CCSER1: variants seen among roughly 807,000 people sequenced by gnomAD.
The protein encoded by CCSER1 is serine-rich coiled-coil domain-containing protein 1.
Under a neutral mutation model 82.0 loss-of-function variants are expected in CCSER1, and 41 were observed. The observed-to-expected ratio is 0.50, with a 90% CI of 0.39 to 0.65. CCSER1 has a LOEUF of 0.65. CCSER1 is among the 30% of genes least tolerant of loss of function. The pLI is 0.00. For synonymous variants in CCSER1, 414 were observed against 383.9 expected, an observed-to-expected ratio of 1.08 and a Z score of -0.92; for missense variants, 1,119 against 1,064.2, an observed-to-expected ratio of 1.05 and a Z score of -0.72.
intron 7 of CCSER1, 83 bp downstream of exon 7, chr4:90,724,074 T>G: frequency 1.3e-6 from 1 of 781,712 alleles, no homozygotes; most frequent in Non-Finnish European, 2.1e-6. Flanking sequence ...GTGTAGATGG[T>G]GAAGTGAACT....
chr4:90,406,049 A>G (rs1383075861), intron 4 of CCSER1, among the ~76,000 whole-genome samples: 1 of 152,178 alleles, frequency 6.6e-6, no homozygotes, highest in Non-Finnish European at 1.5e-5. Flanking sequence ...TAAATGCTCC[A>G]CTGAAAAGAG....
chr4:91,154,447 A>G (rs976022583), intron 10 of CCSER1, among the ~76,000 whole-genome samples: 1 of 151,960 alleles, frequency 6.6e-6, no homozygotes, highest in Non-Finnish European at 1.5e-5. Flanking sequence ...TTCCCTGACC[A>G]CTTGCGCTTC....
chr4:91,027,702 G>A (rs1194106985), intron 9 of CCSER1, among the ~76,000 whole-genome samples: 1 of 152,030 alleles, frequency 6.6e-6, no homozygotes, highest in East Asian at 1.9e-4. Context: ...ACAGCTGGTG[G>A]ATCAGGGTTT....
At chr4:90,757,060 T>G in intron 7 of CCSER1, among the ~76,000 whole-genome samples, 1 of 152,226 alleles carries the variant, frequency 6.6e-6, no homozygotes, top group Admixed American at 6.5e-5. Context: ...TATTTTCCTT[T>G]ATATAAGAAC....
rs575632423 is a variant in CCSER1, at chr4:90,312,902, T to G, written c.1364T>G (p.Phe455Cys). 9.5e-6 allele frequency: 15 copies of G among 1,581,214 alleles called. No homozygotes were observed. In the South Asian group the frequency reaches 1.6e-4, roughly 17 times the overall value. Residue 455 changes from phenylalanine (F) to cysteine (C), a missense_variant, in exon 3 of 11, where the codon TTT becomes TGT. Phe to Cys is a radical substitution (Grantham distance 205). Coordinates refer to ENST00000509176, the MANE Select transcript of CCSER1 (RefSeq NM_001145065.2). ...CTCAGTCCATTTCGTGAAGGAAGAT[T>G]TATAGAGAGGAGACTGCGATCCTCG... is the stretch of plus-strand genomic sequence containing the variant. ...SSLSPFREGR[F>C]IERRLRSSSE...
intron 5 of CCSER1, among the ~76,000 whole-genome samples, chr4:90,529,953 T>TATA (rs1362762409): frequency 3.3e-4 from 30 of 89,932 alleles, no homozygotes; most frequent in African/African-American, 1.3e-3. Flanking sequence ...ATATATATAT[T>TATA]TTTTTTTTCT....
intron 1 of CCSER1, among the ~76,000 whole-genome samples, chr4:90,274,115 A>C (rs753450452): frequency 5.3e-5 from 8 of 152,162 alleles, no homozygotes; most frequent in Non-Finnish European, 1.5e-5. Flanking sequence ...AGTGATTCCA[A>C]GTCTTCAACA....
intron 10 of CCSER1, among the ~76,000 whole-genome samples, chr4:91,167,368 T>C (rs1031063372): frequency 6.6e-6 from 1 of 151,914 alleles, no homozygotes; most frequent in African/African-American, 2.4e-5. Flanking sequence ...GTATTTTCAG[T>C]AGAGACAGGG....
intron 4 of CCSER1, among the ~76,000 whole-genome samples, chr4:90,454,130 G>T (rs1437864632): frequency 6.6e-6 from 1 of 152,064 alleles, no homozygotes; most frequent in Non-Finnish European, 1.5e-5. Context: ...GCCTTGGCTT[G>T]CCACATTTGT....
intron 8 of CCSER1, among the ~76,000 whole-genome samples, chr4:90,889,327 A>G (rs1357303603): frequency 2.6e-5 from 4 of 152,146 alleles, no homozygotes; most frequent in African/African-American, 9.6e-5. Flanking sequence ...TGGTAACAAC[A>G]CATAATGATG....
intron 9 of CCSER1, among the ~76,000 whole-genome samples, chr4:90,993,707 T>C (rs1219635843): frequency 6.6e-6 from 1 of 152,048 alleles, no homozygotes; most frequent in Non-Finnish European, 1.5e-5. Context: ...AGAAATCATC[T>C]ATCTTGAGTC....
chr4:90,570,604 A>C (rs761191489), intron 5 of CCSER1, among the ~76,000 whole-genome samples: 1 of 152,112 alleles, frequency 6.6e-6, no homozygotes, highest in African/African-American at 2.4e-5. Flanking sequence ...AGAGGGGGTG[A>C]ATGCAGCCTA....
chr4:90,533,638 A>G (rs912216299), intron 5 of CCSER1, among the ~76,000 whole-genome samples: 9 of 152,182 alleles, frequency 5.9e-5, no homozygotes, highest in African/African-American at 2.2e-4. Flanking sequence ...TGGTTTGGCT[A>G]TCCTGTTTTT....
chr4:90,878,354 T>A (rs1580892358), intron 8 of CCSER1, among the ~76,000 whole-genome samples: 1 of 152,302 alleles, frequency 6.6e-6, no homozygotes, highest in South Asian at 2.1e-4. Flanking sequence ...TTTGGCCTTT[T>A]AAAATTTCCT....
intron 10 of CCSER1, among the ~76,000 whole-genome samples, chr4:91,427,837 C>CG (rs1315589575): frequency 6.6e-6 from 1 of 151,976 alleles, no homozygotes; most frequent in Non-Finnish European, 1.5e-5. Context: ...TTTAAATGAT[C>CG]TGGTGAGATT....
At chr4:91,001,340 G>A (rs1738016151) in intron 9 of CCSER1, among the ~76,000 whole-genome samples, 1 of 152,064 alleles carries the variant, frequency 6.6e-6, no homozygotes, top group African/African-American at 2.4e-5. Context: ...TTGCATCTGT[G>A]TTCAATGGGG....
chr4:91,455,824 T>C (rs1756136409), intron 10 of CCSER1, among the ~76,000 whole-genome samples: 1 of 152,002 alleles, frequency 6.6e-6, no homozygotes, highest in South Asian at 2.1e-4. Context: ...GATGTGTGTA[T>C]GTGGAGGAAT....
At chr4:90,441,938 T>G (rs1402149176) in intron 4 of CCSER1, among the ~76,000 whole-genome samples, 2 of 152,240 alleles carry the variant, frequency 1.3e-5, no homozygotes, top group Non-Finnish European at 2.9e-5. Flanking sequence ...CCTGTATGAC[T>G]GTTATTTAAC....
At chr4:90,248,026 A>G (rs1578739071) in intron 1 of CCSER1, among the ~76,000 whole-genome samples, 2 of 152,260 alleles carry the variant, frequency 1.3e-5, no homozygotes, top group East Asian at 3.9e-4. Context: ...GTCTACATTC[A>G]TTAAATAAAA....
Sources: allele counts gnomAD v4.1 joint callset (sites outside exome capture counted in the v4.1 genomes callset), GRCh38; gene constraint gnomAD v4.1.1; transcripts MANE v1.5; gene names NCBI Gene and HGNC (gene_info 2026-07-23, HGNC 2026-07-21).